KCNT2: variants seen among roughly 807,000 people sequenced by gnomAD.
The protein encoded by KCNT2 is potassium sodium-activated channel subfamily T member 2.
KCNT2 carries 67 observed loss-of-function variants against 153.8 expected under a neutral mutation model. That is an observed-to-expected ratio of 0.44 (90% CI 0.36 to 0.53). The LOEUF (loss-of-function observed/expected upper bound fraction) is 0.53. Among genes scored for constraint, KCNT2 ranks in the 20% least tolerant of loss-of-function variants. The pLI, the probability that KCNT2 is intolerant of heterozygous loss-of-function variation, is 0.00. For synonymous variants in KCNT2, 500 were observed against 458.8 expected (o/e 1.09, Z -1.15); for missense variants, 975 against 1,354.8 (o/e 0.72, Z 4.40).
chr1:196,328,779 G>A lies in KCNT2; in HGVS notation c.2104-1890C>T, dbSNP rs570479425. Among the ~76,000 whole-genome samples the A allele has an allele frequency of 3.0e-4, 46 of 152,084 alleles. 1 individual carries two copies. The South Asian group carries it at 8.1e-3, about 27-fold the overall frequency. On this transcript the variant is annotated intron_variant, in intron 18 of 27. Coordinates refer to ENST00000294725, the MANE Select transcript of KCNT2 (RefSeq NM_198503.5). ...GAATCTCCTTAACAGAATTTCTAAA[G>A]GTGGTAATCTAGGAAACAGGAAAAT...
At chr1:196,422,978 T>G in intron 12 of KCNT2, 72 bp downstream of exon 12, 1 of 1,025,618 alleles carries the variant, frequency 9.8e-7, no homozygotes, top group Non-Finnish European at 1.4e-6. Context: ...GGCGAATTTT[T>G]AAAAACTCAA....
Position 196,248,891 on chromosome 1 carries a change from A to T in KCNT2, c.3211+9303T>A, listed in dbSNP as rs184382532. Among the ~76,000 whole-genome samples the T allele has an allele frequency of 7.9e-5, 12 of 152,322 alleles. No individual in the cohort carries two copies. In the East Asian group the frequency reaches 2.1e-3, roughly 27 times the overall value. ...CTACAGGCCAATATCTCTGATGAAC[A>T]TTGATGCAAAAATCCTCAGCACAGT... On this transcript the variant is annotated intron_variant, in intron 26 of 27. Transcript: ENST00000294725.
intron 1 of KCNT2, among the ~76,000 whole-genome samples, chr1:196,494,473 C>T (rs538384755): frequency 6.6e-6 from 1 of 152,092 alleles, no homozygotes; most frequent in African/African-American, 2.4e-5. Context: ...GATCTCAGCT[C>T]ACTGCAAGCT....
At chr1:196,575,728 C>T (rs1283941103) in intron 1 of KCNT2, among the ~76,000 whole-genome samples, 1 of 33,848 alleles carries the variant, frequency 3.0e-5, no homozygotes, top group Admixed American at 6.3e-4. Context: ...TGGTTCACAC[C>T]TGTACTTGGG....
intron 12 of KCNT2, among the ~76,000 whole-genome samples, chr1:196,417,802 A>G (rs931608043): frequency 2.0e-5 from 3 of 152,086 alleles, no homozygotes; most frequent in African/African-American, 7.2e-5. Flanking sequence ...ACTAGGCTAT[A>G]GGGTATAACC....
rs768391367 is a variant in KCNT2 at position 196,258,435 on chromosome 1, C to T, written c.2970G>A (p.Gly990=). The T allele has an allele frequency of 3.1e-6, 5 of 1,613,532 alleles. No individual in the cohort carries two copies. The highest frequency in any genetic ancestry group is 2.7e-5 in the African/African-American group (2 of 74,822). ...WEDTKDSKEQ[G]HHRSNHRNST... is the part of the protein sequence containing the mutation. ...AGTTGCGGTGGTTGCTGCGGTGGTG[C>T]CCTTGTTCTTTGGAGTCTTTGGTGT... Residue 990 remains glycine, a synonymous_variant, in exon 26 of 28, where the codon GGG becomes GGA. Transcript: ENST00000294725.
intron 1 of KCNT2, among the ~76,000 whole-genome samples, chr1:196,503,426 T>C (rs1680860554): frequency 6.6e-6 from 1 of 152,156 alleles, no homozygotes; most frequent in African/African-American, 2.4e-5. Context: ...ATAAACCTAA[T>C]AGCTTGCCAA....
chr1:196,373,376 T>C, intron 13 of KCNT2, 128 bp from the exon 14 acceptor site: 1 of 588,932 alleles, frequency 1.7e-6, no homozygotes, highest in South Asian at 2.1e-5. Context: ...GAGATGTTTT[T>C]ACAAGTGCAA....
intron 19 of KCNT2, 57 bp from the exon 20 acceptor site, chr1:196,319,612 C>T (rs551554807): frequency 2.6e-6 from 3 of 1,133,088 alleles, no homozygotes; most frequent in East Asian, 5.0e-5. Flanking sequence ...GGCAGCACTT[C>T]TAGGGAAAGG....
chr1:196,529,011 G>T (rs1654602723), intron 1 of KCNT2, among the ~76,000 whole-genome samples: 1 of 152,058 alleles, frequency 6.6e-6, no homozygotes, highest in African/African-American at 2.4e-5. Context: ...AAAAAATGTT[G>T]ATTGTAACAT....
At chr1:196,478,434 A>G (rs889992191) in intron 5 of KCNT2, among the ~76,000 whole-genome samples, 1 of 152,190 alleles carries the variant, frequency 6.6e-6, no homozygotes, top group African/African-American at 2.4e-5. Flanking sequence ...CCCATGTTCT[A>G]GACAAATATA....
At chr1:196,491,124 T>A (rs1679825431) in intron 2 of KCNT2, among the ~76,000 whole-genome samples, 1 of 152,052 alleles carries the variant, frequency 6.6e-6, no homozygotes, top group South Asian at 2.1e-4. Context: ...CAGCTGACTA[T>A]GGGTGAAGTA....
chr1:196,319,924 T>C (rs1663119723), intron 19 of KCNT2, among the ~76,000 whole-genome samples: 1 of 151,784 alleles, frequency 6.6e-6, no homozygotes, highest in African/African-American at 2.4e-5. Context: ...TGCATTTTTT[T>C]AGATGATCTA....
intron 8 of KCNT2, among the ~76,000 whole-genome samples, chr1:196,464,015 T>C (rs1242933211): frequency 1.3e-5 from 2 of 151,908 alleles, no homozygotes; most frequent in East Asian, 3.9e-4. Context: ...TTAATTTTAG[T>C]ATTTGTAATT....
chr1:196,308,706 G>C (rs1661869842), intron 21 of KCNT2, among the ~76,000 whole-genome samples: 2 of 151,916 alleles, frequency 1.3e-5, no homozygotes, highest in South Asian at 4.1e-4. Flanking sequence ...CATTCTAGTA[G>C]GTGGCAGGGC....
At chr1:196,270,539 A>G (rs760693088) in intron 25 of KCNT2, among the ~76,000 whole-genome samples, 2 of 152,140 alleles carry the variant, frequency 1.3e-5, no homozygotes, top group African/African-American at 4.8e-5. Context: ...CAAAATCAAC[A>G]AAGAGAAAAG....
At chr1:196,361,261 A>G (rs1667599186) in intron 14 of KCNT2, among the ~76,000 whole-genome samples, 1 of 151,910 alleles carries the variant, frequency 6.6e-6, no homozygotes, top group Admixed American at 6.6e-5. Context: ...CAAACAGAGG[A>G]AGATGAGAGT....
Position 196,374,525 on chromosome 1 carries a change from ATCTC to A in KCNT2, c.1295-1281_1295-1278del, listed in dbSNP as rs1409897380. Reference sequence around the variant, plus strand: ...CAAAAATATCAAGTTTCTACTGATAATCTCTCTCCCCACACCCACTTGTCAATAT... The same window carrying A: ...CAAAAATATCAAGTTTCTACTGATAATCTCCCCACACCCACTTGTCAATAT... On this transcript the variant is annotated intron_variant, in intron 13 of 27. Transcript: ENST00000294725. 3.3e-5 allele frequency among the ~76,000 whole-genome samples: 5 copies of A among 151,948 alleles called. No individual in the cohort carries two copies. In the East Asian group the frequency reaches 9.7e-4, roughly 29 times the overall value.
intron 14 of KCNT2, among the ~76,000 whole-genome samples, chr1:196,357,723 G>T (rs530008148): frequency 6.6e-6 from 1 of 151,824 alleles, no homozygotes; most frequent in African/African-American, 2.4e-5. Flanking sequence ...AGAGGCCAAA[G>T]CTCCTTTATC....
Sources: allele counts gnomAD v4.1 joint callset (sites outside exome capture counted in the v4.1 genomes callset), GRCh38; gene constraint gnomAD v4.1.1; transcripts MANE v1.5; gene names NCBI Gene and HGNC (gene_info 2026-07-23, HGNC 2026-07-21).